The following SCYL2 variants were observed in gnomAD, a reference collection of about 807,000 sequenced individuals.
The protein encoded by SCYL2 is SCY1-like protein 2.
SCYL2 carries 36 observed loss-of-function variants against 100.4 expected under a neutral mutation model. That is an observed-to-expected ratio of 0.36 (90% CI 0.27 to 0.47). SCYL2 has a LOEUF of 0.47. SCYL2 is among the 20% of genes least tolerant of loss of function. SCYL2 has a pLI of 1.00. For missense variants in SCYL2, 902 were observed against 1,083.9 expected (o/e 0.83, Z 2.36); for synonymous variants, 330 against 359.2 (o/e 0.92, Z 0.92).
chr12:100,320,619 C>T (rs949305389), intron 10 of SCYL2, among the ~76,000 whole-genome samples: 4 of 151,942 alleles, frequency 2.6e-5, no homozygotes, highest in African/African-American at 7.2e-5. Context: ...GTCTCCTCTT[C>T]GGGAGAGAGC....
intron 1 of SCYL2, among the ~76,000 whole-genome samples, 195 bp downstream of exon 1, chr12:100,267,987 A>C (rs1228504257): frequency 6.6e-6 from 1 of 152,220 alleles, no homozygotes; most frequent in Non-Finnish European, 1.5e-5. Flanking sequence ...TTGTTTTTCT[A>C]AACGGGAGAA....
intron 3 of SCYL2, chr12:100,291,916 G>A (rs1188989424): frequency 2.9e-5 from 11 of 374,432 alleles, no homozygotes; most frequent in Non-Finnish European, 9.4e-6. Context: ...GACTACAATA[G>A]TCAAAATAGA....
chr12:100,329,245 A>G lies in SCYL2; in HGVS notation c.1687A>G (p.Lys563Glu). ...TFTHKKLGITKEQLAGKVLPH... is the reference protein window; with the variant it reads ...TFTHKKLGITEEQLAGKVLPH... ...TACTCATAAGAAGTTGGGAATCACC[A>G]AAGAGCAGCTGGCCGGAAAAGTGTT... Residue 563 changes from lysine (K) to glutamate (E), a missense_variant, in exon 13 of 18, where the codon AAA (lysine) becomes GAA (glutamate). Transcript: ENST00000360820. 3 of 1,610,136 alleles carry G rather than the reference A, an allele frequency of 1.9e-6. No homozygotes were observed. Among genetic ancestry groups the G allele is most frequent in the Non-Finnish European group, 2.5e-6 (3 of 1,176,580 alleles).
At chr12:100,270,587 T>C (rs2096286521) in intron 1 of SCYL2, among the ~76,000 whole-genome samples, 1 of 152,018 alleles carries the variant, frequency 6.6e-6, no homozygotes, top group South Asian at 2.1e-4. Context: ...TAATTTGATA[T>C]TTAAGCGTAT....
At chr12:100,293,162 G>A (rs556130106) in intron 3 of SCYL2, among the ~76,000 whole-genome samples, 1 of 151,906 alleles carries the variant, frequency 6.6e-6, no homozygotes, top group Admixed American at 6.6e-5. Flanking sequence ...TGCTGTTGTT[G>A]CCCAGGCTTG....
At chr12:100,327,518 A>ATT (rs35023853) in intron 12 of SCYL2, among the ~76,000 whole-genome samples, 8 of 145,694 alleles carry the variant, frequency 5.5e-5, no homozygotes, top group Admixed American at 6.9e-5. Flanking sequence ...TTGTTTGCTA[A>ATT]TTTTTTTTTT....
intron 3 of SCYL2, among the ~76,000 whole-genome samples, chr12:100,294,402 C>T (rs1334016598): frequency 1.6e-5 from 2 of 122,188 alleles, no homozygotes; most frequent in African/African-American, 3.1e-5. Flanking sequence ...CCACCTCCCT[C>T]CCGGACGGGG....
In SCYL2 at chr12:100,326,683, T is replaced by C; in HGVS notation, c.1571T>C (p.Val524Ala). 1 of 1,611,114 alleles carries C rather than the reference T, an allele frequency of 6.2e-7. No homozygotes were observed. The highest frequency in any genetic ancestry group is 8.5e-7 in the Non-Finnish European group (1 of 1,178,866). The change falls in exon 12 of 18, where the codon GTA (valine) becomes GCA (alanine). Residue 524 changes from valine (V) to alanine (A), a missense_variant. Coordinates refer to ENST00000360820, the MANE Select transcript of SCYL2 (RefSeq NM_017988.6). ...TTGGAATACTTGGATAAGTGGTTTG[T>C]ACTTGATGATATCCTACCCTTCTTA... The part of the protein sequence containing the change: ...KILEYLDKWF[V>A]LDDILPFLQQ...
chr12:100,334,898 CA>C (rs1266495414), intron 14 of SCYL2, among the ~76,000 whole-genome samples: 1 of 151,728 alleles, frequency 6.6e-6, no homozygotes, highest in Non-Finnish European at 1.5e-5. Flanking sequence ...GATCCTGAAC[CA>C]AAAAACATCT....
At chr12:100,298,901 A>AT (rs1478239382) in intron 4 of SCYL2, among the ~76,000 whole-genome samples, 1 of 152,002 alleles carries the variant, frequency 6.6e-6, no homozygotes, top group South Asian at 2.1e-4. Flanking sequence ...ATATATGCTC[A>AT]TTTTTTCAGA....
intron 10 of SCYL2, among the ~76,000 whole-genome samples, chr12:100,320,045 C>A (rs992688594): frequency 1.3e-5 from 2 of 152,092 alleles, no homozygotes; most frequent in African/African-American, 4.8e-5. Flanking sequence ...GCATTATAAA[C>A]GTGTATCAGA....
rs1364046163 is a variant in SCYL2, at chr12:100,312,469, C to T, written c.668C>T (p.Pro223Leu). The stretch of plus-strand genomic sequence containing the variant: ...TGTAAAGAATGGGACCCAAATTTAC[C>T]TTCATTGTGTCTTCCAAATCCTGAA... ...FPCKEWDPNL[P>L]SLCLPNPEYL... Residue 223 changes from proline to leucine, a missense_variant, in exon 6 of 18, where the codon CCT becomes CTT. By Grantham distance (98) the Pro-to-Leu change is moderately conservative. Coordinates refer to ENST00000360820, the MANE Select transcript of SCYL2 (RefSeq NM_017988.6). 6.2e-7 allele frequency: 1 copy of T among 1,613,062 alleles called. No individual in the cohort carries two copies. Among genetic ancestry groups the T allele is most frequent in the Non-Finnish European group, 8.5e-7 (1 of 1,179,888 alleles).
intron 3 of SCYL2, chr12:100,296,739 G>A (rs1377569753): frequency 6.6e-6 from 1 of 151,614 alleles, no homozygotes; most frequent in Non-Finnish European, 1.5e-5. Context: ...AAGTCTATAA[G>A]ACAGTTTTTT....
rs754947262 is a variant in SCYL2, at chr12:100,293,194, T to G, written c.335+1534T>G. 9.3e-4 allele frequency among the ~76,000 whole-genome samples: 141 copies of G among 152,258 alleles called. 1 individual carries two copies. Among genetic ancestry groups the G allele is most frequent in the Middle Eastern group, 6.8e-3 (2 of 294 alleles). The stretch of plus-strand genomic sequence containing the variant: ...CTTGCCTTGGACTCCCGAGCTTGTG[T>G]GATCCTCCTGCCTCAGCCTATCAAG... On this transcript the variant is annotated intron_variant, in intron 3 of 17. Coordinates refer to ENST00000360820, the MANE Select transcript of SCYL2 (RefSeq NM_017988.6).
intron 4 of SCYL2, among the ~76,000 whole-genome samples, chr12:100,309,412 C>A (rs2096339361): frequency 6.6e-6 from 1 of 152,164 alleles, no homozygotes; most frequent in Non-Finnish European, 1.5e-5. Context: ...CCCCTGGCAA[C>A]CACAATTGTA....
At chr12:100,274,413 T>C (rs2096290571) in intron 1 of SCYL2, among the ~76,000 whole-genome samples, 1 of 152,194 alleles carries the variant, frequency 6.6e-6, no homozygotes, top group African/African-American at 2.4e-5. Flanking sequence ...GTTTATCAAT[T>C]GAAATAAATG....
intron 13 of SCYL2, among the ~76,000 whole-genome samples, chr12:100,332,739 G>A (rs1465681308): frequency 6.8e-6 from 1 of 147,164 alleles, no homozygotes; most frequent in African/African-American, 2.5e-5. Context: ...TTTTGAGACA[G>A]GGTCTCACTC....
intron 12 of SCYL2, among the ~76,000 whole-genome samples, 182 bp downstream of exon 12, chr12:100,326,936 A>T: frequency 6.6e-6 from 1 of 152,318 alleles, no homozygotes; most frequent in South Asian, 2.1e-4. Flanking sequence ...CTTGACATTT[A>T]TAAAGGAATA....
intron 4 of SCYL2, among the ~76,000 whole-genome samples, chr12:100,310,726 C>T (rs1355123099): frequency 6.6e-6 from 1 of 152,188 alleles, no homozygotes; most frequent in Non-Finnish European, 1.5e-5. Flanking sequence ...GATTCCCTCA[C>T]TTTTCAAACT....
Sources: gnomAD v4.1 joint callset for allele counts (sites outside exome capture counted in the v4.1 genomes callset) on GRCh38, gnomAD v4.1.1 for gene constraint, MANE v1.5 for transcripts, NCBI Gene and HGNC (gene_info 2026-07-23, HGNC 2026-07-21) for gene names.